MLLT3: variants seen among roughly 807,000 people sequenced by gnomAD.
MLLT3 encodes protein AF-9.
A neutral mutation model predicts 53.2 loss-of-function variants in MLLT3; 4 were observed. The observed-to-expected ratio is 0.08, with a 90% CI of 0.04 to 0.17. The LOEUF is 0.17. Among genes scored for constraint, MLLT3 ranks in the 10% least tolerant of loss-of-function variants. The pLI, the probability that MLLT3 is intolerant of heterozygous loss-of-function variation, is 1.00. For synonymous variants in MLLT3, 283 were observed against 230.6 expected, an observed-to-expected ratio of 1.23 and a Z score of -2.06; for missense variants, 569 against 684.0, an observed-to-expected ratio of 0.83 and a Z score of 1.87.
intron 5 of MLLT3, 99 bp downstream of exon 5, chr9:20,413,622 G>T: frequency 3.0e-6 from 3 of 1,013,444 alleles, no homozygotes; most frequent in Non-Finnish European, 4.3e-6. Flanking sequence ...CCATTTTATG[G>T]CTCAGCATTC....
intron 2 of MLLT3, among the ~76,000 whole-genome samples, chr9:20,500,726 C>G (rs1308980960): frequency 6.6e-6 from 1 of 152,170 alleles, no homozygotes; most frequent in African/African-American, 2.4e-5. Context: ...TTGTCTACTA[C>G]AGTTGAGTAT....
intron 2 of MLLT3, among the ~76,000 whole-genome samples, chr9:20,574,370 G>C (rs1819604476): frequency 6.6e-6 from 1 of 152,198 alleles, no homozygotes; most frequent in South Asian, 2.1e-4. Flanking sequence ...TCTGTGAAAA[G>C]TCACTATGGT....
At chr9:20,351,804 G>A (rs1821035808) in intron 10 of MLLT3, among the ~76,000 whole-genome samples, 1 of 152,172 alleles carries the variant, frequency 6.6e-6, no homozygotes, top group Non-Finnish European at 1.5e-5. Context: ...AATAACATTA[G>A]TCCTCAATAG....
intron 2 of MLLT3, among the ~76,000 whole-genome samples, chr9:20,503,644 T>C (rs1210231856): frequency 6.6e-6 from 1 of 152,098 alleles, no homozygotes; most frequent in East Asian, 1.9e-4. Flanking sequence ...GTGATGATTC[T>C]TTGGATATGA....
intron 2 of MLLT3, among the ~76,000 whole-genome samples, chr9:20,462,771 C>A (rs1054303237): frequency 6.6e-6 from 1 of 152,110 alleles, no homozygotes; most frequent in African/African-American, 2.4e-5. Context: ...CACCTCCTCT[C>A]GTTCCTTATC....
chr9:20,399,179 T>A (rs527531886), intron 5 of MLLT3, among the ~76,000 whole-genome samples: 3 of 152,190 alleles, frequency 2.0e-5, no homozygotes, highest in Non-Finnish European at 4.4e-5. Flanking sequence ...CTCTCACTCA[T>A]GTGACCTGTC....
intron 2 of MLLT3, among the ~76,000 whole-genome samples, chr9:20,605,358 C>T (rs1373735051): frequency 6.6e-6 from 1 of 151,978 alleles, no homozygotes; most frequent in Non-Finnish European, 1.5e-5. Context: ...GTATTTCAGA[C>T]ATCTAGCTAA....
At chr9:20,414,533 TA>T in intron 4 of MLLT3, 108 bp from the exon 5 acceptor site, 1 of 1,503,646 alleles carries the variant, frequency 6.7e-7, no homozygotes, top group East Asian at 2.3e-5. Context: ...AAGCTATCAT[TA>T]AAATACCAAA....
intron 5 of MLLT3, among the ~76,000 whole-genome samples, chr9:20,405,683 T>C (rs1822560598): frequency 6.6e-6 from 1 of 152,234 alleles, no homozygotes; most frequent in African/African-American, 2.4e-5. Flanking sequence ...TCATTCCCAG[T>C]AAACCAGTTT....
chr9:20,345,198 T>G lies in MLLT3; in HGVS notation c.*1245A>C. ...CTTTCACCAATACAAGAAATCCTTCTGGAAATATTAGCAAGCAACTAAACA... is the reference window on the plus strand; with the variant it reads ...CTTTCACCAATACAAGAAATCCTTCGGGAAATATTAGCAAGCAACTAAACA... On this transcript the variant is annotated 3_prime_UTR_variant, in exon 11 of 11. Transcript: ENST00000380338. The G allele has an allele frequency of 4.4e-6, 1 of 225,938 alleles. No homozygotes were observed. The highest frequency in any genetic ancestry group is 8.8e-6 in the Non-Finnish European group (1 of 113,434). 14.0% of individuals were successfully genotyped at this position (225,938 alleles called of 1,614,324 possible).
chr9:20,365,658 G>C lies in MLLT3; in HGVS notation c.1201+11C>G. Reference sequence around the variant, plus strand: ...GAAAAGCATCTCCTAGTTTGCATGAGATGTTGATACCTTGTTGCCTGGTCT... The same window carrying C: ...GAAAAGCATCTCCTAGTTTGCATGACATGTTGATACCTTGTTGCCTGGTCT... On this transcript the variant is annotated intron_variant, in intron 6 of 10. Transcript: ENST00000380338. The C allele has an allele frequency of 3.1e-6, 5 of 1,614,188 alleles. No individual in the cohort carries two copies. The highest frequency in any genetic ancestry group is 4.2e-6 in the Non-Finnish European group (5 of 1,180,038).
At chr9:20,393,377 T>C (rs1396961575) in intron 5 of MLLT3, among the ~76,000 whole-genome samples, 1 of 152,204 alleles carries the variant, frequency 6.6e-6, no homozygotes, top group Admixed American at 6.5e-5. Context: ...ATCTGAGGAT[T>C]TGTCAGGACT....
At chr9:20,373,217 G>A (rs556084307) in intron 5 of MLLT3, among the ~76,000 whole-genome samples, 6 of 152,186 alleles carry the variant, frequency 3.9e-5, no homozygotes, top group African/African-American at 1.4e-4. Context: ...ATCAACATTT[G>A]ATTGCTACTA....
At chr9:20,371,173 G>C (rs953039564) in intron 5 of MLLT3, among the ~76,000 whole-genome samples, 8 of 152,198 alleles carry the variant, frequency 5.3e-5, no homozygotes, top group Admixed American at 1.3e-4. Flanking sequence ...AGCAGAGGTT[G>C]GTTCATAAGG....
chr9:20,549,958 T>C (rs1012848538), intron 2 of MLLT3, among the ~76,000 whole-genome samples: 1 of 152,172 alleles, frequency 6.6e-6, no homozygotes, highest in Non-Finnish European at 1.5e-5. Context: ...AAGAATTTCA[T>C]ACAACTGAAT....
rs1820755404 is a variant in MLLT3 at position 20,342,364 on chromosome 9, A to G, written c.*4079T>C. ...ACACAATGTATCTTTCAACATAACT[A>G]CACATACACAGTCCATTAAAAAGAT... On this transcript the variant is annotated 3_prime_UTR_variant, in exon 11 of 11. Transcript: ENST00000380338. 4.5e-6 allele frequency: 1 copy of G among 224,420 alleles called. No homozygotes were observed. The highest frequency in any genetic ancestry group is 8.9e-6 in the Non-Finnish European group (1 of 112,688). The allele number at this position is 224,420 out of a possible 1,614,324, so 13.9% of individuals were successfully genotyped here.
intron 2 of MLLT3, among the ~76,000 whole-genome samples, chr9:20,533,979 G>C (rs1818411642): frequency 6.6e-6 from 1 of 152,168 alleles, no homozygotes; most frequent in African/African-American, 2.4e-5. Context: ...CATGGATGGT[G>C]ATGGATATGT....
chr9:20,424,193 G>A (rs562193097), intron 4 of MLLT3, among the ~76,000 whole-genome samples: 1 of 152,130 alleles, frequency 6.6e-6, no homozygotes, highest in Admixed American at 6.6e-5. Flanking sequence ...AGAGGCAACT[G>A]TAATTTATTT....
intron 5 of MLLT3, among the ~76,000 whole-genome samples, chr9:20,374,547 A>T (rs1166288470): frequency 6.6e-6 from 1 of 152,246 alleles, no homozygotes; most frequent in African/African-American, 2.4e-5. Context: ...GAAAAGTGAT[A>T]AAACAATATT....
Sources: gnomAD v4.1 joint callset for allele counts (sites outside exome capture counted in the v4.1 genomes callset) on GRCh38, gnomAD v4.1.1 for gene constraint, MANE v1.5 for transcripts, NCBI Gene and HGNC (gene_info 2026-07-23, HGNC 2026-07-21) for gene names.